The following NKD1 variants were observed in gnomAD, a reference collection of about 807,000 sequenced individuals.
NKD1 encodes the protein NKD inhibitor of Wnt signaling pathway 1, also known as protein naked cuticle homolog 1.
NKD1 carries 21 observed loss-of-function variants against 56.0 expected under a neutral mutation model. That is an observed-to-expected ratio of 0.38 (90% CI 0.27 to 0.54). The LOEUF is 0.54. NKD1 is among the 20% of genes least tolerant of loss of function. The pLI, the probability that NKD1 is intolerant of heterozygous loss-of-function variation, is 0.82. For missense variants in NKD1, 578 were observed against 642.7 expected, an observed-to-expected ratio of 0.90 and a Z score of 1.09; for synonymous variants, 263 against 265.7, an observed-to-expected ratio of 0.99 and a Z score of 0.10.
At chr16:50,557,092 T>C (rs2151262742) in intron 3 of NKD1, 1 of 152,284 alleles carries the variant, frequency 6.6e-6, no homozygotes, top group Non-Finnish European at 1.5e-5. Context: ...AGTACCTGCT[T>C]TAGGCCAGGG....
intron 3 of NKD1, chr16:50,574,118 C>A: frequency 1.2e-6 from 1 of 841,274 alleles, no homozygotes; most frequent in African/African-American, 1.8e-5. Flanking sequence ...TCTTCCTAGT[C>A]ACATGGGTAT....
In NKD1 at chr16:50,630,202, T is replaced by A. The variant is rs763950124; in HGVS notation, c.479T>A (p.Leu160Gln). 1 of 1,614,114 alleles carries A rather than the reference T, an allele frequency of 6.2e-7. No individual in the cohort carries two copies. The highest frequency in any genetic ancestry group is 8.5e-7 in the Non-Finnish European group (1 of 1,179,984). ...KVTREDITSL[L>Q]HTIYEVVDSS... ...CCCATTCAGGACATCACCAGCTTGC[T>A]GCACACCATCTATGAGGTGGTGGAC... Residue 160 changes from leucine (L) to glutamine (Q), a missense_variant, in exon 7 of 10, where the codon CTG becomes CAG. By Grantham distance (113) the Leu-to-Gln change is moderately radical (BLOSUM62 -2). Transcript: ENST00000268459.
chr16:50,609,866 C>G (rs1335240943), intron 4 of NKD1, among the ~76,000 whole-genome samples: 1 of 152,170 alleles, frequency 6.6e-6, no homozygotes. Context: ...TGCATACAGT[C>G]TGGTATCTTT....
At chr16:50,610,506 A>G (rs1961820847) in intron 4 of NKD1, among the ~76,000 whole-genome samples, 1 of 152,198 alleles carries the variant, frequency 6.6e-6, no homozygotes, top group Non-Finnish European at 1.5e-5. Flanking sequence ...AGTTCTGGCC[A>G]CAGAAAACCA....
intron 3 of NKD1, among the ~76,000 whole-genome samples, chr16:50,588,482 AG>A (rs1174031441): frequency 3.3e-5 from 5 of 152,184 alleles, no homozygotes; most frequent in Non-Finnish European, 7.3e-5. Context: ...GAAATGAAGC[AG>A]CAGCTCAGCA....
At chr16:50,601,961 G>C (rs1416700864) in intron 3 of NKD1, among the ~76,000 whole-genome samples, 1 of 152,198 alleles carries the variant, frequency 6.6e-6, no homozygotes, top group Non-Finnish European at 1.5e-5. Context: ...AGGCCTCCAG[G>C]AGCCCTCTCA....
chr16:50,614,410 A>G (rs763767472), intron 4 of NKD1, among the ~76,000 whole-genome samples: 2 of 152,024 alleles, frequency 1.3e-5, no homozygotes, highest in Admixed American at 6.5e-5. Flanking sequence ...ACATTCACAC[A>G]CATGTCTCGC....
intron 3 of NKD1, among the ~76,000 whole-genome samples, chr16:50,594,285 T>C (rs985910803): frequency 6.6e-6 from 1 of 152,220 alleles, no homozygotes; most frequent in African/African-American, 2.4e-5. Context: ...ACCATTGCCT[T>C]TCTGGGCTGG....
chr16:50,568,362 C>G (rs1016582609), intron 3 of NKD1, among the ~76,000 whole-genome samples: 1 of 152,194 alleles, frequency 6.6e-6, no homozygotes, highest in Non-Finnish European at 1.5e-5. Flanking sequence ...ATGGGGGGCC[C>G]CAGCTGGAGA....
At chr16:50,621,493 C>T (rs914571391) in intron 4 of NKD1, 109 bp from the exon 5 acceptor site, 6 of 717,426 alleles carry the variant, frequency 8.4e-6, no homozygotes, top group African/African-American at 1.8e-5. Context: ...CGGGCCCAGC[C>T]CCCTGGCGAG....
Position 50,646,179 on chromosome 16 carries a change from G to C in NKD1, c.*12398G>C, listed in dbSNP as rs1426840440. The C allele has an allele frequency of 6.6e-6, 1 of 152,150 alleles. No individual in the cohort carries two copies. Among genetic ancestry groups the C allele is most frequent in the Non-Finnish European group, 1.5e-5 (1 of 68,034 alleles). 9.4% of individuals were successfully genotyped at this position (152,150 alleles called of 1,614,324 possible). On this transcript the variant is annotated 3_prime_UTR_variant, in exon 10 of 10. Coordinates refer to ENST00000268459, the MANE Select transcript of NKD1 (RefSeq NM_033119.5). ...TTAGGCATGCTCTAGCAAAAAGAAA[G>C]GCAAATCCAATGATAATGTACATCT...
In NKD1 at chr16:50,632,426, C is replaced by A; in HGVS notation, c.823+18C>A. 1 of 1,613,942 alleles carries A rather than the reference C, an allele frequency of 6.2e-7. No homozygotes were observed. The highest frequency in any genetic ancestry group is 8.5e-7 in the Non-Finnish European group (1 of 1,179,872). ...TGGGCCTGGTAAGGGACTCAAGCACCCTGCAATGGGCGATGAGGGCAGGGC... is the reference window on the plus strand; with the variant it reads ...TGGGCCTGGTAAGGGACTCAAGCACACTGCAATGGGCGATGAGGGCAGGGC... On this transcript the variant is annotated intron_variant, in intron 9 of 9. Coordinates refer to ENST00000268459, the MANE Select transcript of NKD1 (RefSeq NM_033119.5). This position sits in a 1 kb window ranked among gnomAD's most constrained non-coding sequence, Gnocchi z 4.1.
In NKD1 at chr16:50,633,475, C is replaced by A. The variant is rs756431023; in HGVS notation, c.1107C>A (p.Pro369=). The change falls in exon 10 of 10, where the codon CCC becomes CCA. Residue 369 remains proline, a synonymous_variant. Coordinates refer to ENST00000268459, the MANE Select transcript of NKD1 (RefSeq NM_033119.5). This position sits in a 1 kb window ranked among gnomAD's most constrained non-coding sequence, Gnocchi z 4.9. ...GHVARGARNK[P]PLGPAIPAVS... is the part of the protein sequence containing the mutation. ...TGGCCAGAGGGGCAAGAAACAAGCC[C>A]CCTCTGGGACCCGCCATCCCTGCGG... 8 of 1,608,994 alleles carry A rather than the reference C, an allele frequency of 5.0e-6. No homozygotes were observed. In the East Asian group the frequency reaches 1.8e-4, roughly 36 times the overall value.
Position 50,643,843 on chromosome 16 carries a change from G to A in NKD1, c.*10062G>A, listed in dbSNP as rs1962626361. The A allele has an allele frequency of 6.6e-6, 1 of 152,208 alleles. No homozygotes were observed. The highest frequency in any genetic ancestry group is 2.4e-5 in the African/African-American group (1 of 41,446). 9.4% of individuals were successfully genotyped at this position (152,208 alleles called of 1,614,324 possible). On this transcript the variant is annotated 3_prime_UTR_variant, in exon 10 of 10. Coordinates refer to ENST00000268459, the MANE Select transcript of NKD1 (RefSeq NM_033119.5). ...GCTCTATAACTCATGACTGAATGAA[G>A]CTTATCTAGCACACATATTTTCTCT...
At chr16:50,552,813 T>G (rs1396333298) in intron 3 of NKD1, among the ~76,000 whole-genome samples, 1 of 151,722 alleles carries the variant, frequency 6.6e-6, no homozygotes, top group Admixed American at 6.6e-5. Context: ...AAACAGGGAG[T>G]GATAGGGCTG....
intron 3 of NKD1, among the ~76,000 whole-genome samples, chr16:50,560,202 G>T (rs1329536243): frequency 6.6e-6 from 1 of 152,234 alleles, no homozygotes; most frequent in Admixed American, 6.5e-5. Flanking sequence ...GACTTTCTCT[G>T]CTTCCTCCCT....
At chr16:50,605,432 T>A (rs1961684038) in intron 3 of NKD1, among the ~76,000 whole-genome samples, 1 of 152,262 alleles carries the variant, frequency 6.6e-6, no homozygotes, top group Non-Finnish European at 1.5e-5. Flanking sequence ...GCTGTTGTGA[T>A]GATTCAGGGG....
rs1037110379 is a variant in NKD1, at chr16:50,571,606, T to C, written c.192+22051T>C. The C allele has an allele frequency of 9.8e-6, 8 of 816,886 alleles. No homozygotes were observed. The African/African-American group carries it at 1.5e-4, about 15-fold the overall frequency. The allele number at this position is 816,886 out of a possible 1,614,324, so 50.6% of individuals were successfully genotyped here. On this transcript the variant is annotated intron_variant, in intron 3 of 9. Coordinates refer to ENST00000268459, the MANE Select transcript of NKD1 (RefSeq NM_033119.5). The stretch of plus-strand genomic sequence containing the variant: ...GAGAGGCATCCTGGGGGGTCATTCC[T>C]AACTCCTCCCCTTCCTTCCCTGCAG...
chr16:50,613,857 T>C (rs1961904120), intron 4 of NKD1, among the ~76,000 whole-genome samples: 1 of 152,238 alleles, frequency 6.6e-6, no homozygotes, highest in African/African-American at 2.4e-5. Flanking sequence ...GAACAGATGT[T>C]TCGTCTCAAT....
Sources: allele counts gnomAD v4.1 joint callset (sites outside exome capture counted in the v4.1 genomes callset), GRCh38; gene constraint gnomAD v4.1.1; non-coding constraint Gnocchi (gnomAD v3.1); transcripts MANE v1.5; gene names NCBI Gene and HGNC (gene_info 2026-07-23, HGNC 2026-07-21).